Variants in PTCD2 observed in about 807,000 individuals in gnomAD.
The protein encoded by PTCD2 is pentatricopeptide repeat domain 2.
A neutral mutation model predicts 42.6 loss-of-function variants in PTCD2; 31 were observed. The observed-to-expected ratio is 0.73, with a 90% CI of 0.55 to 0.98. The LOEUF is 0.98. Ranked by LOEUF, PTCD2 falls within the 50% of genes least tolerant of loss-of-function variation. PTCD2 has a pLI of 0.00. For synonymous variants in PTCD2, 183 were observed against 170.9 expected, an observed-to-expected ratio of 1.07 and a Z score of -0.55; for missense variants, 476 against 454.8, an observed-to-expected ratio of 1.05 and a Z score of -0.42.
intron 1 of PTCD2, chr5:72,321,271 G>A (rs901214430): frequency 6.6e-6 from 1 of 152,222 alleles, no homozygotes; most frequent in Non-Finnish European, 1.5e-5. Flanking sequence ...AAAAATGTTT[G>A]TCAGGCATTA....
chr5:72,334,977 G>A (rs1751650451), intron 4 of PTCD2, 41 bp from the exon 5 acceptor site: 1 of 1,276,730 alleles, frequency 7.8e-7, no homozygotes, highest in Non-Finnish European at 1.1e-6. Context: ...TCAATAAATA[G>A]TTTTAACTTT....
intron 8 of PTCD2, among the ~76,000 whole-genome samples, chr5:72,345,982 C>T (rs1369732990): frequency 6.6e-6 from 1 of 152,154 alleles, no homozygotes; most frequent in Non-Finnish European, 1.5e-5. Context: ...CAAATGTCAT[C>T]CCACACCAGT....
At chr5:72,332,970 A>G (rs1751519421) in intron 4 of PTCD2, among the ~76,000 whole-genome samples, 1 of 152,190 alleles carries the variant, frequency 6.6e-6, no homozygotes, top group Non-Finnish European at 1.5e-5. Flanking sequence ...GGGTTAAATA[A>G]TTTAGTCTAT....
intron 9 of PTCD2, among the ~76,000 whole-genome samples, chr5:72,356,276 T>C (rs1483863124): frequency 3.3e-5 from 5 of 152,220 alleles, no homozygotes; most frequent in Admixed American, 3.3e-4. Flanking sequence ...CCCATTTATA[T>C]GGCTAAAGCA....
At chr5:72,334,709 C>T (rs1048240227) in intron 4 of PTCD2, among the ~76,000 whole-genome samples, 1 of 152,144 alleles carries the variant, frequency 6.6e-6, no homozygotes, top group African/African-American at 2.4e-5. Flanking sequence ...CACCACCATG[C>T]CCAGCTAATT....
Position 72,366,930 on chromosome 5 carries a change from G to A in PTCD2, c.*8503G>A, listed in dbSNP as rs1349428045. 6.6e-6 allele frequency: 1 copy of A among 152,182 alleles called. No homozygotes were observed. Among genetic ancestry groups the A allele is most frequent in the African/African-American group, 2.4e-5 (1 of 41,458 alleles). The allele number at this position is 152,182 out of a possible 1,614,324, so 9.4% of individuals were successfully genotyped here. ...GGTCATTTGTCTCACTTGGGAAAGG[G>A]TTTCCTCCCAAATTGAGAAGGAAAA... On this transcript the variant is annotated 3_prime_UTR_variant, in exon 10 of 10. Coordinates refer to ENST00000380639, the MANE Select transcript of PTCD2 (RefSeq NM_024754.5).
At position 72,365,531 on chromosome 5, in the gene PTCD2, AT is replaced by A. The variant is rs1753181102; in HGVS notation, c.*7106del. 1 of 152,254 alleles carries A rather than the reference AT, an allele frequency of 6.6e-6. No individual in the cohort carries two copies. The highest frequency in any genetic ancestry group is 1.5e-5 in the Non-Finnish European group (1 of 68,058). 9.4% of individuals were successfully genotyped at this position (152,254 alleles called of 1,614,324 possible). A position where few individuals can be genotyped will look rare whatever the true frequency, so the allele number is the denominator to read the frequency against. ...TTTTGAATCCGCAAGTGCAAGTCTC[AT>A]TCCTGGTAACTAATAGTAACAGAAT... On this transcript the variant is annotated 3_prime_UTR_variant, in exon 10 of 10. Transcript: ENST00000380639.
intron 6 of PTCD2, among the ~76,000 whole-genome samples, chr5:72,337,641 C>T (rs1027439387): frequency 6.6e-6 from 1 of 152,114 alleles, no homozygotes; most frequent in Middle Eastern, 3.4e-3. Context: ...ACTAAAAATA[C>T]AAAAATTATC....
At chr5:72,327,205 A>C (rs570117733) in intron 3 of PTCD2, among the ~76,000 whole-genome samples, 4 of 152,028 alleles carry the variant, frequency 2.6e-5, no homozygotes, top group Admixed American at 6.5e-5. Flanking sequence ...TCCTCTCTCT[A>C]TCTCCGTTAG....
chr5:72,358,400 A>T lies in PTCD2; in HGVS notation c.1140A>T (p.Pro380=), dbSNP rs772656810. 1 of 1,613,384 alleles carries T rather than the reference A, an allele frequency of 6.2e-7. No individual in the cohort carries two copies. The highest frequency in any genetic ancestry group is 2.2e-5 in the East Asian group (1 of 44,826). Residue 380 remains proline (P), a synonymous_variant, in exon 10 of 10, where the codon CCA becomes CCT. Coordinates refer to ENST00000380639, the MANE Select transcript of PTCD2 (RefSeq NM_024754.5). ...KRMVSRRTFQ[P]LSQSLLAE Reference sequence around the variant, plus strand: ...TGGTCAGCCGTCGCACCTTCCAGCCACTCAGCCAGTCCCTGTTGGCTGAGT... The same window carrying T: ...TGGTCAGCCGTCGCACCTTCCAGCCTCTCAGCCAGTCCCTGTTGGCTGAGT...
intron 1 of PTCD2, among the ~76,000 whole-genome samples, 176 bp from the exon 2 acceptor site, chr5:72,321,996 A>G (rs1436031005): frequency 6.6e-6 from 1 of 152,212 alleles, no homozygotes; most frequent in Non-Finnish European, 1.5e-5. Flanking sequence ...ATTCTCTGGT[A>G]GTTCAGAAAT....
intron 2 of PTCD2, among the ~76,000 whole-genome samples, chr5:72,326,406 C>G (rs1474098109): frequency 6.6e-6 from 1 of 152,172 alleles, no homozygotes; most frequent in Non-Finnish European, 1.5e-5. Flanking sequence ...TGGCCCTGTG[C>G]CCATGTCCCT....
At chr5:72,328,006 CT>C (rs1179800893) in intron 3 of PTCD2, among the ~76,000 whole-genome samples, 2 of 151,994 alleles carry the variant, frequency 1.3e-5, no homozygotes, top group Admixed American at 1.3e-4. Context: ...AAAAAAATGT[CT>C]TTTTTTAAGT....
intron 8 of PTCD2, among the ~76,000 whole-genome samples, chr5:72,343,519 G>A (rs139636095): frequency 2.0e-5 from 3 of 152,282 alleles, no homozygotes; most frequent in African/African-American, 4.8e-5. Context: ...TTCAGTAAAT[G>A]TTATCTATTG....
intron 4 of PTCD2, among the ~76,000 whole-genome samples, chr5:72,332,404 T>C (rs1372884283): frequency 6.6e-6 from 1 of 152,184 alleles, no homozygotes; most frequent in Admixed American, 6.5e-5. Flanking sequence ...ATATTAACAT[T>C]AACATTTTAA....
At chr5:72,353,664 A>G (rs186357121) in intron 9 of PTCD2, among the ~76,000 whole-genome samples, 56 of 152,326 alleles carry the variant, frequency 3.7e-4, no homozygotes, top group Non-Finnish European at 2.1e-4. Context: ...AGGGCAGCTA[A>G]TGGGACAGAA....
chr5:72,364,984 C>T lies in PTCD2; in HGVS notation c.*6557C>T, dbSNP rs1753169028. The stretch of plus-strand genomic sequence containing the variant: ...GATCAAAGCGCTGCTGAACTGCTCA[C>T]CTCCCCGCTTGGCCTGCCTTGCCCA... On this transcript the variant is annotated 3_prime_UTR_variant, in exon 10 of 10. Transcript: ENST00000380639. The T allele has an allele frequency of 6.6e-6, 1 of 152,320 alleles. No individual in the cohort carries two copies. The highest frequency in any genetic ancestry group is 6.5e-5 in the Admixed American group (1 of 15,280). 9.4% of individuals were successfully genotyped at this position (152,320 alleles called of 1,614,324 possible). A position where few individuals can be genotyped will look rare whatever the true frequency, so the allele number is the denominator to read the frequency against.
At chr5:72,336,445 C>T (rs1314215575) in intron 6 of PTCD2, among the ~76,000 whole-genome samples, 5 of 151,474 alleles carry the variant, frequency 3.3e-5, no homozygotes, top group East Asian at 1.9e-4. Context: ...TCTTTGTATC[C>T]CACCACCTAA....
intron 2 of PTCD2, among the ~76,000 whole-genome samples, chr5:72,325,101 T>A (rs1751069988): frequency 1.3e-5 from 2 of 152,166 alleles, no homozygotes; most frequent in African/African-American, 4.8e-5. Context: ...TTTTGTATTT[T>A]TGGTAGAGAC....
Sources: allele counts gnomAD v4.1 joint callset (sites outside exome capture counted in the v4.1 genomes callset), GRCh38; gene constraint gnomAD v4.1.1; transcripts MANE v1.5; gene names NCBI Gene and HGNC (gene_info 2026-07-23, HGNC 2026-07-21).